Variants in C1orf159 observed in about 807,000 individuals in gnomAD.
C1orf159 encodes the protein uncharacterized protein C1orf159.
In C1orf159, 19 loss-of-function variants were observed where a neutral mutation model predicts 25.6. The observed-to-expected ratio is 0.74, with a 90% CI of 0.52 to 1.09. The LOEUF is 1.09. Among genes scored for constraint, C1orf159 ranks in the 50% least tolerant of loss-of-function variants. The pLI is 0.00. For missense variants in C1orf159, 274 were observed against 290.6 expected, an observed-to-expected ratio of 0.94 and a Z score of 0.42; for synonymous variants, 139 against 124.7, an observed-to-expected ratio of 1.12 and a Z score of -0.77.
In C1orf159 at chr1:1,110,867, C is replaced by T. The variant is rs1424196413; in HGVS notation, c.-136+5193G>A. 2.0e-5 allele frequency among the ~76,000 whole-genome samples: 3 copies of T among 152,222 alleles called. No individual in the cohort carries two copies. The highest frequency in any genetic ancestry group is 4.4e-5 in the Non-Finnish European group (3 of 68,040). On this transcript the variant is annotated intron_variant, in intron 1 of 9. Coordinates refer to ENST00000421241, the MANE Select transcript of C1orf159 (RefSeq NM_017891.5). This position sits in a 1 kb window ranked among gnomAD's most constrained non-coding sequence, Gnocchi z 4.8. The stretch of plus-strand genomic sequence containing the variant: ...GCGTGAGCCGTGGCAGACGCAAAAC[C>T]GCCCGCACGTGTGACTCCTAACACT...
chr1:1,115,308 C>T (rs888499008), intron 1 of C1orf159, among the ~76,000 whole-genome samples: 2 of 152,174 alleles, frequency 1.3e-5, no homozygotes, highest in African/African-American at 4.8e-5. Flanking sequence ...CCGACTAGCC[C>T]TCGGCTACTC....
At chr1:1,106,534 A>G (rs967492576) in intron 1 of C1orf159, 1 of 152,304 alleles carries the variant, frequency 6.6e-6, no homozygotes. Context: ...TACACCCTGA[A>G]GAACTGAAAA....
intron 2 of C1orf159, 71 bp downstream of exon 2, chr1:1,091,920 G>C (rs1333622952): frequency 2.2e-6 from 1 of 450,044 alleles, no homozygotes; most frequent in Non-Finnish European, 4.4e-6. Context: ...GCCAAATGGA[G>C]GTGGGGTGAA....
intron 4 of C1orf159, among the ~76,000 whole-genome samples, 167 bp downstream of exon 4, chr1:1,090,186 G>T (rs1645905358): frequency 6.6e-6 from 1 of 152,166 alleles, no homozygotes; most frequent in South Asian, 2.1e-4. Flanking sequence ...CAGAAAGGAG[G>T]CTCAGATGTC....
Position 1,091,974 on chromosome 1 carries a change from T to C in C1orf159, c.-23+17A>G. 1 of 458,172 alleles carries C rather than the reference T, an allele frequency of 2.2e-6. No individual in the cohort carries two copies. The highest frequency in any genetic ancestry group is 4.4e-6 in the Non-Finnish European group (1 of 228,758). 28.4% of individuals were successfully genotyped at this position (458,172 alleles called of 1,614,324 possible). A position where few individuals can be genotyped will look rare whatever the true frequency, so the allele number is the denominator to read the frequency against. On this transcript the variant is annotated intron_variant, in intron 2 of 9. Coordinates refer to ENST00000421241, the MANE Select transcript of C1orf159 (RefSeq NM_017891.5). ...CTTTGGAGGCACGGGTGGGGCGAGG[T>C]GTAGGCAGGGCCTTACCTGCCCCTC...
In C1orf159 at chr1:1,087,213, T is replaced by C. The variant is rs1557747156; in HGVS notation, c.245-9A>G. 1.2e-6 allele frequency: 2 copies of C among 1,604,040 alleles called. No homozygotes were observed. The highest frequency in any genetic ancestry group is 1.7e-6 in the Non-Finnish European group (2 of 1,175,862). On this transcript the variant is annotated splice_polypyrimidine_tract_variant and intron_variant, in intron 5 of 9. Transcript: ENST00000421241. The surrounding 1 kb of genome is among the most constrained non-coding windows in gnomAD (Gnocchi z 8.3). ...CGCACCCGGGCCAGCAACTGTGGGA[T>C]AGCAGAACTGTGGGAAGCCTGTGTG...
rs148531010 is a variant in C1orf159, at chr1:1,112,323, C to T, written c.-136+3737G>A. Among the ~76,000 whole-genome samples, 33 of 152,346 alleles carry T rather than the reference C, an allele frequency of 2.2e-4. 1 individual carries two copies. The East Asian group carries it at 3.1e-3, about 14-fold the overall frequency. On this transcript the variant is annotated intron_variant, in intron 1 of 9. Coordinates refer to ENST00000421241, the MANE Select transcript of C1orf159 (RefSeq NM_017891.5). ...TAACCGTTCTATGACCTTCTAGGGA[C>T]GTTTGACAGGTAACGGAAGAACGCC...
intron 9 of C1orf159, chr1:1,083,889 G>A: frequency 6.5e-7 from 1 of 1,543,614 alleles, no homozygotes; most frequent in South Asian, 1.2e-5. Flanking sequence ...TGTGTCTGTG[G>A]CCCCGCACAT....
In C1orf159 at chr1:1,083,037, G is replaced by A. The variant is rs555189208; in HGVS notation, c.503-50C>T. The stretch of plus-strand genomic sequence containing the variant: ...GGTCAGAGTGGGACCTGGACAGCAG[G>A]GACAGTGCAGGCCTCAGCCCTCACC... On this transcript the variant is annotated intron_variant, in intron 9 of 9. Transcript: ENST00000421241. The A allele has an allele frequency of 2.1e-6, 3 of 1,455,750 alleles. No individual in the cohort carries two copies. In the South Asian group the frequency reaches 3.8e-5, roughly 18 times the overall value. The allele number at this position is 1,455,750 out of a possible 1,614,324, so 90.2% of individuals were successfully genotyped here. A position where few individuals can be genotyped will look rare whatever the true frequency, so the allele number is the denominator to read the frequency against.
intron 1 of C1orf159, among the ~76,000 whole-genome samples, chr1:1,114,159 C>T (rs914098686): frequency 6.6e-6 from 1 of 151,888 alleles, no homozygotes; most frequent in Non-Finnish European, 1.5e-5. Flanking sequence ...TTCTGATCCG[C>T]CCCCCTCCCC....
intron 1 of C1orf159, among the ~76,000 whole-genome samples, chr1:1,097,172 T>C (rs1448998658): frequency 6.6e-6 from 1 of 152,176 alleles, no homozygotes; most frequent in Non-Finnish European, 1.5e-5. Context: ...AGTGGCATGA[T>C]CTCGGCTCAC....
chr1:1,100,362 T>C (rs1646083299), intron 1 of C1orf159, among the ~76,000 whole-genome samples: 1 of 152,184 alleles, frequency 6.6e-6, no homozygotes, highest in African/African-American at 2.4e-5. Context: ...TGCCCTTTAT[T>C]TTTCAGTGAT....
Position 1,084,247 on chromosome 1 carries a change from C to T in C1orf159, c.502+106G>A, listed in dbSNP as rs374920460. On this transcript the variant is annotated intron_variant, in intron 9 of 9. Transcript: ENST00000421241. ...TCCTGGGGACCCGGGCAGGGGTGGC[C>T]GAGATCCAGAGCCAGGCAAACCCGT... is the stretch of plus-strand genomic sequence containing the variant. 6.3e-5 allele frequency: 95 copies of T among 1,518,962 alleles called. No homozygotes were observed. The Admixed American group carries it at 1.1e-3, about 17-fold the overall frequency. The allele number at this position is 1,518,962 out of a possible 1,614,324, so 94.1% of individuals were successfully genotyped here. A position where few individuals can be genotyped will look rare whatever the true frequency, so the allele number is the denominator to read the frequency against.
chr1:1,094,249 T>G (rs1404343472), intron 1 of C1orf159, among the ~76,000 whole-genome samples: 4 of 151,820 alleles, frequency 2.6e-5, no homozygotes, highest in Non-Finnish European at 5.9e-5. Context: ...AGGTGCATGC[T>G]GCCATGTTGA....
At chr1:1,111,895 T>C (rs1280278590) in intron 1 of C1orf159, among the ~76,000 whole-genome samples, 1 of 152,248 alleles carries the variant, frequency 6.6e-6, no homozygotes, top group East Asian at 1.9e-4. Flanking sequence ...GGGGCCTCTC[T>C]ACCTAAAGAT....
intron 6 of C1orf159, among the ~76,000 whole-genome samples, chr1:1,086,360 C>T (rs1645830891): frequency 6.6e-6 from 1 of 152,228 alleles, no homozygotes; most frequent in African/African-American, 2.4e-5. Flanking sequence ...GGTTCTCAGC[C>T]TTGTTCCTTC....
In C1orf159 at chr1:1,090,820, G is replaced by T. The variant is rs191823622; in HGVS notation, c.73-392C>A. On this transcript the variant is annotated intron_variant, in intron 3 of 9. Transcript: ENST00000421241. ...GGGCCTGGCTGGCATTTCAGGGGAC[G>T]AATTCACGCCCAGGTGCCCAGGTAC... 3,068 of 1,434,640 alleles carry T rather than the reference G, an allele frequency of 2.1e-3. 3 individuals are homozygous for T. The highest frequency in any genetic ancestry group is 5.1e-3 in the Admixed American group (261 of 50,858). 88.9% of individuals were successfully genotyped at this position (1,434,640 alleles called of 1,614,324 possible). A position where few individuals can be genotyped will look rare whatever the true frequency, so the allele number is the denominator to read the frequency against.
Position 1,102,614 on chromosome 1 carries a change from T to TAAAAAAAAAA in C1orf159, c.-135-10521_-135-10512dup, listed in dbSNP as rs1170365187. Reference sequence around the variant, plus strand: ...CAACATAGCGAAACCCTGTCTCTACTAAAAAAAAAAAAAAAAAAAAAAAAA... The same window carrying TAAAAAAAAAA: ...CAACATAGCGAAACCCTGTCTCTACTAAAAAAAAAAAAAAAAAAAAAAAAAAAAAAAAAAA... On this transcript the variant is annotated intron_variant, in intron 1 of 9. Coordinates refer to ENST00000421241, the MANE Select transcript of C1orf159 (RefSeq NM_017891.5). 1.2e-4 allele frequency among the ~76,000 whole-genome samples: 4 copies of TAAAAAAAAAA among 34,132 alleles called. 1 individual carries two copies. The highest frequency in any genetic ancestry group is 4.0e-4 in the African/African-American group (4 of 10,032). 22.4% of individuals were successfully genotyped at this position (34,132 alleles called of 152,430 possible).
chr1:1,088,828 G>A (rs1411154605), intron 4 of C1orf159, among the ~76,000 whole-genome samples: 1 of 152,080 alleles, frequency 6.6e-6, no homozygotes. Context: ...CTGAGACCCC[G>A]GCACGGTTGT....
Sources: gnomAD v4.1 joint callset for allele counts (sites outside exome capture counted in the v4.1 genomes callset) on GRCh38, gnomAD v4.1.1 for gene constraint, Gnocchi (gnomAD v3.1) non-coding constraint, MANE v1.5 for transcripts, NCBI Gene and HGNC (gene_info 2026-07-23, HGNC 2026-07-21) for gene names.